Variants in HEATR3 observed in about 807,000 individuals in gnomAD.
The protein encoded by HEATR3 is HEAT repeat-containing protein 3.
A neutral mutation model predicts 72.8 loss-of-function variants in HEATR3; 56 were observed. That is an observed-to-expected ratio of 0.77 (90% CI 0.62 to 0.96). The LOEUF is 0.96. Among genes scored for constraint, HEATR3 ranks in the 40% least tolerant of loss-of-function variants. The pLI is 0.00. For synonymous variants in HEATR3, 331 were observed against 318.1 expected, an observed-to-expected ratio of 1.04 and a Z score of -0.43; for missense variants, 747 against 831.4, an observed-to-expected ratio of 0.90 and a Z score of 1.25.
At chr16:50,087,569 T>C (rs1358441022) in intron 11 of HEATR3, among the ~76,000 whole-genome samples, 1 of 152,158 alleles carries the variant, frequency 6.6e-6, no homozygotes, top group Non-Finnish European at 1.5e-5. Context: ...GAACAAGTGG[T>C]GTTTTCTATA....
At chr16:50,097,363 A>G (rs1446779188) in intron 12 of HEATR3, among the ~76,000 whole-genome samples, 1 of 142,140 alleles carries the variant, frequency 7.0e-6, no homozygotes, top group Non-Finnish European at 1.5e-5. Flanking sequence ...TTTTTTCAGA[A>G]TAGCTATCCT....
At chr16:50,080,704 C>T (rs1037992058) in intron 7 of HEATR3, among the ~76,000 whole-genome samples, 8 of 152,124 alleles carry the variant, frequency 5.3e-5, no homozygotes, top group African/African-American at 1.9e-4. Flanking sequence ...TGTCTGGTCT[C>T]AAGCGATCTT....
chr16:50,083,636 A>G (rs968784976), intron 7 of HEATR3, among the ~76,000 whole-genome samples: 1 of 152,174 alleles, frequency 6.6e-6, no homozygotes, highest in Admixed American at 6.6e-5. Flanking sequence ...TTCAGGGTGA[A>G]TTCTGTTCAG....
intron 3 of HEATR3, among the ~76,000 whole-genome samples, chr16:50,069,896 T>C (rs1040810951): frequency 6.6e-6 from 1 of 152,236 alleles, no homozygotes; most frequent in Admixed American, 6.5e-5. Context: ...ACTTGATACA[T>C]GTAAAATGCT....
In HEATR3 at chr16:50,083,961, A is replaced by G; in HGVS notation, c.1066A>G (p.Thr356Ala). ...GCCCACTGACAAGGAACTGAGAGAG[A>G]CTATAGCATTGCTGACAGCCCAACA... ...LPPTDKELRE[T>A]IALLTAQQTA... Residue 356 changes from threonine to alanine, a missense_variant, in exon 8 of 15, where the codon ACT becomes GCT. Around this residue, in one of 2 missense-constraint regions of HEATR3, gnomAD observed 586 missense variants for 708.8 expected, o/e 0.83. Coordinates refer to ENST00000299192, the MANE Select transcript of HEATR3 (RefSeq NM_182922.4). The G allele has an allele frequency of 6.2e-7, 1 of 1,612,168 alleles. No homozygotes were observed.
At chr16:50,096,346 CAG>C (rs1244418377) in intron 12 of HEATR3, among the ~76,000 whole-genome samples, 10 of 44,900 alleles carry the variant, frequency 2.2e-4, no homozygotes, top group Non-Finnish European at 3.8e-4. Flanking sequence ...AAAAAAAAAA[CAG>C]AAAAAGAAAA....
In HEATR3 at chr16:50,075,464, G is replaced by A. The variant is rs2036703980; in HGVS notation, c.623-107G>A. On this transcript the variant is annotated intron_variant, in intron 5 of 14. Coordinates refer to ENST00000299192, the MANE Select transcript of HEATR3 (RefSeq NM_182922.4). ...TATATATTTTGCAAAACCTACATGTGTCTAATGAAGTGGTAATGATACAAT... is the reference window on the plus strand; with the variant it reads ...TATATATTTTGCAAAACCTACATGTATCTAATGAAGTGGTAATGATACAAT... 7.7e-6 allele frequency: 8 copies of A among 1,045,610 alleles called. No individual in the cohort carries two copies. In the South Asian group the frequency reaches 1.2e-4, roughly 15 times the overall value. 64.8% of individuals were successfully genotyped at this position (1,045,610 alleles called of 1,614,324 possible).
chr16:50,088,803 A>G (rs1194896067), intron 11 of HEATR3, among the ~76,000 whole-genome samples: 2 of 152,012 alleles, frequency 1.3e-5, no homozygotes, highest in Non-Finnish European at 2.9e-5. Context: ...CCAGGGTCCC[A>G]GGTGAGCAGG....
intron 12 of HEATR3, among the ~76,000 whole-genome samples, chr16:50,095,136 CAG>C (rs1479453615): frequency 6.7e-6 from 1 of 148,786 alleles, no homozygotes; most frequent in Non-Finnish European, 1.5e-5. Context: ...TTTTTTGAGA[CAG>C]AGTCTTCCTC....
In HEATR3 at chr16:50,078,650, A is replaced by C. The variant is rs766027830; in HGVS notation, c.764-91A>C. 8 of 1,289,666 alleles carry C rather than the reference A, an allele frequency of 6.2e-6. No homozygotes were observed. The African/African-American group carries it at 1.2e-4, about 19-fold the overall frequency. 79.9% of individuals were successfully genotyped at this position (1,289,666 alleles called of 1,614,324 possible). A position where few individuals can be genotyped will look rare whatever the true frequency, so the allele number is the denominator to read the frequency against. ...TAGGGCTGAGATTTTTTGAAATTAC[A>C]CTGGCCTTAAAAGCTCCAGTCTTGT... On this transcript the variant is annotated intron_variant, in intron 6 of 14. Transcript: ENST00000299192.
At chr16:50,091,185 G>A (rs991872043) in intron 11 of HEATR3, among the ~76,000 whole-genome samples, 1 of 151,268 alleles carries the variant, frequency 6.6e-6, no homozygotes, top group East Asian at 2.0e-4. Context: ...AAAAAATTCA[G>A]GCTGGGAGTG....
chr16:50,070,251 A>G lies in HEATR3; in HGVS notation c.473A>G (p.Asn158Ser). 2 of 1,608,098 alleles carry G rather than the reference A, an allele frequency of 1.2e-6. No homozygotes were observed. Among genetic ancestry groups the G allele is most frequent in the Non-Finnish European group, 1.7e-6 (2 of 1,175,412 alleles). Residue 158 changes from asparagine to serine, a missense_variant, in exon 4 of 15, where the codon AAC becomes AGC. Asn to Ser is a conservative substitution (Grantham distance 46). Around this residue, in one of 2 missense-constraint regions of HEATR3, gnomAD observed 586 missense variants for 708.8 expected, o/e 0.83. Transcript: ENST00000299192. ...KKDQNRNSIE[N>S]IANETVNVLW... ...GATCAGAACAGAAATTCTATTGAGAACATAGCCAATGAGACTGTGAACGTG... is the reference window on the plus strand; with the variant it reads ...GATCAGAACAGAAATTCTATTGAGAGCATAGCCAATGAGACTGTGAACGTG...
At chr16:50,096,442 A>AT (rs1480809148) in intron 12 of HEATR3, among the ~76,000 whole-genome samples, 6 of 151,676 alleles carry the variant, frequency 4.0e-5, no homozygotes, top group Admixed American at 3.9e-4. Context: ...TTGGTCTCTT[A>AT]TTATCTCTAA....
intron 1 of HEATR3, 25 bp from the exon 2 acceptor site, chr16:50,066,342 T>G (rs4389139): frequency 1.9e-6 from 3 of 1,564,182 alleles, no homozygotes; most frequent in South Asian, 1.2e-5. Context: ...GCGCGCCTTC[T>G]GACCCTTTTC....
At chr16:50,089,843 A>G (rs1174719999) in intron 11 of HEATR3, among the ~76,000 whole-genome samples, 3 of 151,720 alleles carry the variant, frequency 2.0e-5, no homozygotes, top group Non-Finnish European at 2.9e-5. Flanking sequence ...TAATTTTTGT[A>G]TTTTTATAGA....
chr16:50,077,215 T>A (rs965015321), intron 6 of HEATR3, among the ~76,000 whole-genome samples: 5 of 152,036 alleles, frequency 3.3e-5, no homozygotes, highest in Admixed American at 2.6e-4. Flanking sequence ...TTTCACCATG[T>A]TGACCAGGCT....
Position 50,101,838 on chromosome 16 carries a change from A to G in HEATR3, c.1744-421A>G, listed in dbSNP as rs545966622. Among the ~76,000 whole-genome samples the G allele has an allele frequency of 5.3e-5, 8 of 152,270 alleles. No homozygotes were observed. In the East Asian group the frequency reaches 5.8e-4, roughly 11 times the overall value. ...CGAGCGACCCTCCCGCCTTAGCCTC[A>G]CAAAGTTCTGAACTTACAGGTGTGA... On this transcript the variant is annotated intron_variant, in intron 13 of 14. Coordinates refer to ENST00000299192, the MANE Select transcript of HEATR3 (RefSeq NM_182922.4).
rs530243726 is a variant in HEATR3, at chr16:50,086,439, G to A, written c.1510+88G>A. 21 of 1,356,006 alleles carry A rather than the reference G, an allele frequency of 1.5e-5. No homozygotes were observed. The East Asian group carries it at 2.5e-4, about 16-fold the overall frequency. 84.0% of individuals were successfully genotyped at this position (1,356,006 alleles called of 1,614,324 possible). A position where few individuals can be genotyped will look rare whatever the true frequency, so the allele number is the denominator to read the frequency against. ...TGGATTTTGTAAATGTATATTGTTT[G>A]TCATCCAATGTGCAGAAACCTTTCC... On this transcript the variant is annotated intron_variant, in intron 11 of 14. Transcript: ENST00000299192.
At chr16:50,084,792 C>A in intron 10 of HEATR3, 141 bp downstream of exon 10, 1 of 622,710 alleles carries the variant, frequency 1.6e-6, no homozygotes, top group South Asian at 2.0e-5. Context: ...TATGTGCCCA[C>A]ATGCCCTAGA....
Sources: allele counts gnomAD v4.1 joint callset (sites outside exome capture counted in the v4.1 genomes callset), GRCh38; gene constraint gnomAD v4.1.1; regional missense constraint gnomAD v4.1.1; transcripts MANE v1.5; gene names NCBI Gene and HGNC (gene_info 2026-07-23, HGNC 2026-07-21).